Variants in MALRD1 observed in about 807,000 individuals in gnomAD.
The protein encoded by MALRD1 is MAM and LDL receptor class A domain containing 1, also known as MAM and LDL-receptor class A domain-containing protein 1.
In MALRD1, 247 loss-of-function variants were observed where a neutral mutation model predicts 242.1. The observed-to-expected ratio is 1.02, with a 90% CI of 0.92 to 1.13. The LOEUF is 1.13. Ranked by LOEUF, MALRD1 falls within the 50% of genes most tolerant of loss-of-function variation. The pLI is 0.00. For missense variants in MALRD1, 2,989 were observed against 2,533.1 expected (o/e 1.18, Z -3.86); for synonymous variants, 995 against 866.6 (o/e 1.15, Z -2.60).
At chr10:19,260,347 A>C (rs979563144) in intron 19 of MALRD1, among the ~76,000 whole-genome samples, 2 of 152,156 alleles carry the variant, frequency 1.3e-5, no homozygotes, top group Non-Finnish European at 2.9e-5. Flanking sequence ...GCTCTAAGCT[A>C]TGTGTCTCTG....
intron 29 of MALRD1, among the ~76,000 whole-genome samples, chr10:19,465,260 G>C: frequency 6.6e-6 from 1 of 152,064 alleles, no homozygotes; most frequent in East Asian, 1.9e-4. Flanking sequence ...AATAGAAGTG[G>C]TGAGAGTGGG....
chr10:19,543,942 A>G (rs1333747573), intron 32 of MALRD1, among the ~76,000 whole-genome samples: 2 of 152,048 alleles, frequency 1.3e-5, no homozygotes, highest in African/African-American at 2.4e-5. Flanking sequence ...TTAAATCAAT[A>G]TATATCTTAT....
At chr10:19,440,157 C>T (rs573818524) in intron 28 of MALRD1, among the ~76,000 whole-genome samples, 6 of 152,110 alleles carry the variant, frequency 3.9e-5, no homozygotes, top group Admixed American at 1.3e-4. Context: ...TCACATTTTT[C>T]TGTTTTTCTG....
At chr10:19,451,984 A>T (rs1835352814) in intron 29 of MALRD1, among the ~76,000 whole-genome samples, 1 of 152,184 alleles carries the variant, frequency 6.6e-6, no homozygotes, top group African/African-American at 2.4e-5. Flanking sequence ...GAGGTTTTGC[A>T]CATGTATTTG....
chr10:19,550,062 T>G (rs1318397438), intron 32 of MALRD1, among the ~76,000 whole-genome samples: 1 of 152,168 alleles, frequency 6.6e-6, no homozygotes, highest in Non-Finnish European at 1.5e-5. Context: ...TTTGAGGTGT[T>G]AGAAAGAAAA....
chr10:19,110,348 G>A (rs578210643), intron 5 of MALRD1, among the ~76,000 whole-genome samples: 1 of 152,120 alleles, frequency 6.6e-6, no homozygotes, highest in Non-Finnish European at 1.5e-5. Flanking sequence ...TCTAACACTG[G>A]AACATGTAAA....
At chr10:19,536,941 A>T (rs1397100966) in intron 32 of MALRD1, among the ~76,000 whole-genome samples, 1 of 152,160 alleles carries the variant, frequency 6.6e-6, no homozygotes, top group Admixed American at 6.5e-5. Context: ...CCTCTCAGAA[A>T]GATGGTATTT....
intron 15 of MALRD1, 76 bp from the exon 16 acceptor site, chr10:19,204,232 G>T: frequency 1.1e-6 from 1 of 915,610 alleles, no homozygotes. Context: ...GCTCAGTGTA[G>T]GGTTAAGAGA....
chr10:19,272,435 A>G (rs1840293409), intron 19 of MALRD1, among the ~76,000 whole-genome samples: 1 of 152,192 alleles, frequency 6.6e-6, no homozygotes, highest in South Asian at 2.1e-4. Context: ...AGGAGATATG[A>G]ACCATCAGTT....
At chr10:19,533,024 G>A (rs1038460039) in intron 32 of MALRD1, among the ~76,000 whole-genome samples, 9 of 152,084 alleles carry the variant, frequency 5.9e-5, no homozygotes, top group African/African-American at 1.9e-4. Flanking sequence ...GAGGACACTA[G>A]TCTACAGTTC....
chr10:19,427,034 A>G (rs1564330053), intron 28 of MALRD1, among the ~76,000 whole-genome samples: 1 of 152,186 alleles, frequency 6.6e-6, no homozygotes, highest in Non-Finnish European at 1.5e-5. Flanking sequence ...AAGTCAGTGC[A>G]CTACAATTTG....
intron 13 of MALRD1, among the ~76,000 whole-genome samples, chr10:19,166,329 A>G (rs927117191): frequency 1.3e-5 from 2 of 152,220 alleles, no homozygotes; most frequent in African/African-American, 4.8e-5. Flanking sequence ...CCAGGCACAG[A>G]GAGACAAATA....
intron 26 of MALRD1, among the ~76,000 whole-genome samples, chr10:19,383,526 T>C: frequency 6.6e-6 from 1 of 152,132 alleles, no homozygotes; most frequent in Non-Finnish European, 1.5e-5. Context: ...TGTATGTGTC[T>C]TTATGGTAGA....
chr10:19,580,693 A>G (rs1403499287), intron 33 of MALRD1, among the ~76,000 whole-genome samples: 2 of 152,192 alleles, frequency 1.3e-5, no homozygotes, highest in Non-Finnish European at 2.9e-5. Context: ...GGCCTCGACT[A>G]GCTGCAGTTA....
chr10:19,493,090 C>T (rs1221511177), intron 30 of MALRD1: 1 of 152,046 alleles, frequency 6.6e-6, no homozygotes, highest in East Asian at 1.9e-4. Context: ...CAACCACTGC[C>T]ACCATCCACC....
chr10:19,335,803 A>C (rs1038780302), intron 24 of MALRD1, among the ~76,000 whole-genome samples: 9 of 152,060 alleles, frequency 5.9e-5, no homozygotes, highest in African/African-American at 2.2e-4. Context: ...CATGGAGAAA[A>C]AATTTTTTTT....
intron 21 of MALRD1, chr10:19,290,469 A>T (rs774259919): frequency 6.6e-6 from 1 of 152,218 alleles, no homozygotes; most frequent in Non-Finnish European, 1.5e-5. Context: ...GCTCTCAACT[A>T]TAATGCAATG....
intron 11 of MALRD1, among the ~76,000 whole-genome samples, chr10:19,153,337 C>T (rs1304381376): frequency 3.3e-5 from 5 of 152,138 alleles, no homozygotes; most frequent in Non-Finnish European, 7.3e-5. Context: ...GATATTCTGG[C>T]AACCTAATAT....
chr10:19,189,261 A>C (rs2131580833), intron 14 of MALRD1, among the ~76,000 whole-genome samples: 1 of 152,270 alleles, frequency 6.6e-6, no homozygotes, highest in East Asian at 1.9e-4. Context: ...TAAAGCACAA[A>C]GAAACAGAAA....
Sources: allele counts gnomAD v4.1 joint callset (sites outside exome capture counted in the v4.1 genomes callset), GRCh38; gene constraint gnomAD v4.1.1; transcripts MANE v1.5; gene names NCBI Gene and HGNC (gene_info 2026-07-23, HGNC 2026-07-21).